ZNF736: variants seen among roughly 807,000 people sequenced by gnomAD.
ZNF736 encodes zinc finger protein 736.
Under a neutral mutation model 11.7 loss-of-function variants are expected in ZNF736, and 6 were observed. That is an observed-to-expected ratio of 0.51 (90% CI 0.28 to 1.01). The LOEUF is 1.01. ZNF736 is among the 50% of genes least tolerant of loss of function. The pLI, the probability that ZNF736 is intolerant of heterozygous loss-of-function variation, is 0.09. For missense variants in ZNF736, 444 were observed against 496.0 expected, an observed-to-expected ratio of 0.90 and a Z score of 1.00; for synonymous variants, 139 against 164.7, an observed-to-expected ratio of 0.84 and a Z score of 1.19.
chr7:64,336,451 T>C, intron 2 of ZNF736, 66 bp downstream of exon 2: 1 of 1,401,076 alleles, frequency 7.1e-7, no homozygotes, highest in East Asian at 2.5e-5. Flanking sequence ...CTGATTTTTT[T>C]GGAGGTTCTG....
intron 3 of ZNF736, chr7:64,337,194 G>GTGTGTGTGT (rs3978650): frequency 0.26 from 141,658 of 543,564 alleles, 18,949 homozygotes; most frequent in African/African-American, 0.32. Context: ...AGTAATGTGT[G>GTGTGTGTGT]TGTGTGTGTT....
rs111951784 is a variant in ZNF736, at chr7:64,335,062, A to G, written c.4-1197A>G. The stretch of plus-strand genomic sequence containing the variant: ...ACAGGAACAGAAAACCAAACACCGC[A>G]TGTTCTCACTCATAAGTAGGATTCA... On this transcript the variant is annotated intron_variant, in intron 1 of 3. Transcript: ENST00000423484. Among the ~76,000 whole-genome samples, 569 of 152,294 alleles carry G rather than the reference A, an allele frequency of 3.7e-3. 5 individuals are homozygous for G. Among genetic ancestry groups the G allele is most frequent in the African/African-American group, 0.013 (533 of 41,556 alleles).
chr7:64,336,344 G>C lies in ZNF736; in HGVS notation c.89G>C (p.Arg30Thr), dbSNP rs1341604357. The C allele has an allele frequency of 2.5e-6, 4 of 1,613,846 alleles. No homozygotes were observed. Among genetic ancestry groups the C allele is most frequent in the Non-Finnish European group, 2.5e-6 (3 of 1,179,890 alleles). Reference protein sequence around the residue: ...CLDSAQQRLYRDVMLENYGNL... With the variant: ...CLDSAQQRLYTDVMLENYGNL... ...GACTCTGCTCAGCAGCGTTTGTATA[G>C]GGATGTGATGTTAGAGAACTATGGA... Residue 30 changes from arginine (R) to threonine (T), a missense_variant, in exon 2 of 4, where the codon AGG becomes ACG. By Grantham distance (71) the Arg-to-Thr change is moderately conservative. Coordinates refer to ENST00000423484, the MANE Select transcript of ZNF736 (RefSeq NM_001170905.3).
intron 3 of ZNF736, among the ~76,000 whole-genome samples, chr7:64,338,216 C>T (rs1028343258): frequency 3.9e-5 from 6 of 151,968 alleles, no homozygotes; most frequent in South Asian, 2.1e-4. Flanking sequence ...CCCAGTAAGG[C>T]GAATTTTTTC....
rs983143673 is a variant in ZNF736, at chr7:64,355,077, T to C, written c.*5930T>C. ...GCATAATTGTACCCATGCCACACAA[T>C]TGACTCACAATTGAAACAAGATGAA... On this transcript the variant is annotated 3_prime_UTR_variant, in exon 4 of 4. Transcript: ENST00000423484. 6.6e-6 allele frequency: 1 copy of C among 152,530 alleles called. No homozygotes were observed. The highest frequency in any genetic ancestry group is 2.4e-5 in the African/African-American group (1 of 41,476). 9.4% of individuals were successfully genotyped at this position (152,530 alleles called of 1,614,324 possible).
intron 1 of ZNF736, among the ~76,000 whole-genome samples, chr7:64,320,989 G>A (rs534969457): frequency 6.6e-6 from 1 of 152,290 alleles, no homozygotes; most frequent in Admixed American, 6.5e-5. Context: ...TCTAAGGCAT[G>A]TTACCTAGAA....
At position 64,348,993 on chromosome 7, in the gene ZNF736, C is replaced by A; in HGVS notation, c.1130C>A (p.Thr377Asn). 6.3e-7 allele frequency: 1 copy of A among 1,590,762 alleles called. No homozygotes were observed. The highest frequency in any genetic ancestry group is 8.6e-7 in the Non-Finnish European group (1 of 1,167,836). The change falls in exon 4 of 4, where the codon ACC becomes AAC. Residue 377 changes from threonine (T) to asparagine (N), a missense_variant. Coordinates refer to ENST00000423484, the MANE Select transcript of ZNF736 (RefSeq NM_001170905.3). Reference protein sequence around the residue: ...RPYKCEECSKTFKCFSDLTNH... With the variant: ...RPYKCEECSKNFKCFSDLTNH... ...TACAAATGTGAAGAATGCAGCAAAA[C>A]CTTTAAGTGCTTCTCAGACCTGACT...
chr7:64,314,038 T>C lies in ZNF736; in HGVS notation c.-113T>C, dbSNP rs1415341818. ...CCTAGTTCGCGTCTCCACTGTTCCATCTCCTCCGTTCCTGGAGTTCCTCGG... is the reference window on the plus strand; with the variant it reads ...CCTAGTTCGCGTCTCCACTGTTCCACCTCCTCCGTTCCTGGAGTTCCTCGG... On this transcript the variant is annotated 5_prime_UTR_variant, in exon 1 of 4. Transcript: ENST00000423484. 1.4e-6 allele frequency: 2 copies of C among 1,446,542 alleles called. No individual in the cohort carries two copies. Among genetic ancestry groups the C allele is most frequent in the Admixed American group, 3.9e-5 (2 of 50,828 alleles). 89.6% of individuals were successfully genotyped at this position (1,446,542 alleles called of 1,614,324 possible). A position where few individuals can be genotyped will look rare whatever the true frequency, so the allele number is the denominator to read the frequency against.
At chr7:64,342,310 T>C (rs1305181104) in intron 3 of ZNF736, among the ~76,000 whole-genome samples, 1 of 152,104 alleles carries the variant, frequency 6.6e-6, no homozygotes, top group African/African-American at 2.4e-5. Flanking sequence ...ATACAGAAAA[T>C]GAAAGTGAGA....
At chr7:64,337,276 A>G in intron 3 of ZNF736, 1 of 367,726 alleles carries the variant, frequency 2.7e-6, no homozygotes, top group Non-Finnish European at 4.9e-6. Context: ...GCTTGACAGA[A>G]AATGTGTGAT....
At chr7:64,337,755 G>GTTTTTTTTTTTTTT (rs147991832) in intron 3 of ZNF736, among the ~76,000 whole-genome samples, 2 of 86,256 alleles carry the variant, frequency 2.3e-5, no homozygotes, top group South Asian at 3.2e-4. Flanking sequence ...TGTTTTTTTT[G>GTTTTTTTTTTTTTT]GTTTTTTTTT....
intron 1 of ZNF736, among the ~76,000 whole-genome samples, chr7:64,328,431 C>A (rs1487280548): frequency 2.2e-5 from 3 of 135,818 alleles, no homozygotes; most frequent in Non-Finnish European, 5.0e-5. Context: ...CTTTTAGAAT[C>A]CTTTATCTTT....
At chr7:64,345,501 T>A (rs1194496409) in intron 3 of ZNF736, among the ~76,000 whole-genome samples, 2 of 151,024 alleles carry the variant, frequency 1.3e-5, no homozygotes, top group Admixed American at 6.6e-5. Flanking sequence ...GAGGCCGAGG[T>A]GGGCACATCA....
At chr7:64,317,358 C>G (rs1788932197) in intron 1 of ZNF736, among the ~76,000 whole-genome samples, 1 of 151,936 alleles carries the variant, frequency 6.6e-6, no homozygotes, top group African/African-American at 2.4e-5. Context: ...ACATTTTTTT[C>G]CAATAAAATG....
At chr7:64,316,800 C>G (rs1413351330) in intron 1 of ZNF736, among the ~76,000 whole-genome samples, 1 of 151,988 alleles carries the variant, frequency 6.6e-6, no homozygotes, top group Non-Finnish European at 1.5e-5. Context: ...AGTTTATATT[C>G]CATTGGTTGA....
chr7:64,346,347 T>A (rs1022775684), intron 3 of ZNF736, among the ~76,000 whole-genome samples: 3 of 152,168 alleles, frequency 2.0e-5, no homozygotes, highest in African/African-American at 7.2e-5. Context: ...TTATTAGATC[T>A]AAAGTGAATC....
rs569968225 is a variant in ZNF736, at chr7:64,340,346, A to G, written c.226+3364A>G. 1.2e-4 allele frequency among the ~76,000 whole-genome samples: 19 copies of G among 152,312 alleles called. No individual in the cohort carries two copies. The East Asian group carries it at 3.7e-3, about 29-fold the overall frequency. ...GGCATCTTTCTCTGGGTCTCTGGAT[A>G]TGCAGAACCACTCCTAGGCTATGGC... On this transcript the variant is annotated intron_variant, in intron 3 of 3. Coordinates refer to ENST00000423484, the MANE Select transcript of ZNF736 (RefSeq NM_001170905.3).
intron 3 of ZNF736, among the ~76,000 whole-genome samples, chr7:64,342,238 T>C (rs1199662800): frequency 6.6e-6 from 1 of 152,094 alleles, no homozygotes; most frequent in East Asian, 1.9e-4. Flanking sequence ...GGTTAAGAGA[T>C]TTGAGAGAGG....
In ZNF736 at chr7:64,337,745, TG is replaced by T. The variant is rs552170890; in HGVS notation, c.226+764del. Among the ~76,000 whole-genome samples the T allele has an allele frequency of 3.3e-3, 159 of 48,720 alleles. 2 individuals are homozygous for T. Among genetic ancestry groups the T allele is most frequent in the Middle Eastern group, 0.013 (1 of 78 alleles). The allele number at this position is 48,720 out of a possible 152,430, so 32.0% of individuals were successfully genotyped here. On this transcript the variant is annotated intron_variant, in intron 3 of 3. Transcript: ENST00000423484. ...GTATTTTTTTTGTTTTGTTTTGTTT[TG>T]TTTTTTTTGGTTTTTTTTTTTTTTT...
Sources: allele counts gnomAD v4.1 joint callset (sites outside exome capture counted in the v4.1 genomes callset), GRCh38; gene constraint gnomAD v4.1.1; transcripts MANE v1.5; gene names NCBI Gene and HGNC (gene_info 2026-07-23, HGNC 2026-07-21).